The following UBE2R2 variants were observed in gnomAD, a reference collection of about 807,000 sequenced individuals.
UBE2R2 encodes ubiquitin conjugating enzyme E2 R2, also known as ubiquitin-conjugating enzyme E2 R2.
A neutral mutation model predicts 27.8 loss-of-function variants in UBE2R2; 1 was observed. The observed-to-expected ratio is 0.04, with a 90% confidence interval of 0.01 to 0.17. The LOEUF is 0.17. UBE2R2 is among the 10% of genes least tolerant of loss of function. UBE2R2 has a pLI of 1.00. For missense variants in UBE2R2, 100 were observed against 291.0 expected (o/e 0.34, Z 4.78); for synonymous variants, 106 against 113.3 (o/e 0.94, Z 0.41).
chr9:33,868,224 T>C (rs986142993), intron 1 of UBE2R2, among the ~76,000 whole-genome samples: 19 of 152,122 alleles, frequency 1.2e-4, no homozygotes, highest in African/African-American at 4.6e-4. Flanking sequence ...ACTCAGCCGC[T>C]TGTGTTGCTC....
chr9:33,880,664 AG>A (rs1453164538), intron 1 of UBE2R2, among the ~76,000 whole-genome samples: 1 of 152,168 alleles, frequency 6.6e-6, no homozygotes, highest in African/African-American at 2.4e-5. Context: ...ACTTTAAACC[AG>A]GGGTGCCTAC....
At chr9:33,895,768 CTTT>C (rs776870484) in intron 2 of UBE2R2, among the ~76,000 whole-genome samples, 10 of 90,272 alleles carry the variant, frequency 1.1e-4, no homozygotes, top group South Asian at 4.0e-4. Context: ...CTCTCTCTCT[CTTT>C]TTTTTTTTTT....
intron 1 of UBE2R2, among the ~76,000 whole-genome samples, chr9:33,839,706 G>A (rs1177673203): frequency 6.6e-6 from 1 of 152,140 alleles, no homozygotes; most frequent in African/African-American, 2.4e-5. Context: ...ATAAATTACT[G>A]TTGTTTAAGC....
At chr9:33,857,225 T>G (rs1821128194) in intron 1 of UBE2R2, among the ~76,000 whole-genome samples, 1 of 151,622 alleles carries the variant, frequency 6.6e-6, no homozygotes, top group South Asian at 2.1e-4. Context: ...TTTTTTTTTA[T>G]TCCCCTTACT....
intron 4 of UBE2R2, 141 bp downstream of exon 4, chr9:33,912,239 T>A (rs2130822055): frequency 1.3e-6 from 1 of 794,064 alleles, no homozygotes; most frequent in South Asian, 2.0e-5. Context: ...AAGAGAAGAT[T>A]TCTGCCTGAG....
intron 1 of UBE2R2, among the ~76,000 whole-genome samples, chr9:33,863,188 CAAAAA>C (rs544206798): frequency 4.7e-5 from 5 of 106,026 alleles, no homozygotes; most frequent in Admixed American, 1.0e-4. Context: ...GAGACTCCCT[CAAAAA>C]AAAAAAAAAA....
intron 3 of UBE2R2, among the ~76,000 whole-genome samples, chr9:33,904,501 C>CA (rs1822309398): frequency 6.6e-6 from 1 of 152,168 alleles, no homozygotes; most frequent in Non-Finnish European, 1.5e-5. Context: ...CACGTGTACT[C>CA]AAGACTATTG....
In UBE2R2 at chr9:33,824,684, T is replaced by C. The variant is rs534091631; in HGVS notation, c.177+6750T>C. ...CGGGTGTGATGGTCCGCACCTGCAG[T>C]CCCAGCTACTTGGGAGGCTGAGGCA... is the stretch of plus-strand genomic sequence containing the variant. On this transcript the variant is annotated intron_variant, in intron 1 of 4. Coordinates refer to ENST00000263228, the MANE Select transcript of UBE2R2 (RefSeq NM_017811.4). Among the ~76,000 whole-genome samples the C allele has an allele frequency of 6.6e-5, 10 of 151,002 alleles. No individual in the cohort carries two copies. In the South Asian group the frequency reaches 2.1e-3, roughly 32 times the overall value.
At chr9:33,887,080 A>G (rs1030822405) in intron 2 of UBE2R2, 113 bp downstream of exon 2, 12 of 837,870 alleles carry the variant, frequency 1.4e-5, no homozygotes, top group Non-Finnish European at 1.8e-5. Context: ...CCATAGAGAA[A>G]TATTAATGAT....
chr9:33,912,938 CTCT>C (rs1822525561), intron 4 of UBE2R2, among the ~76,000 whole-genome samples: 1 of 152,014 alleles, frequency 6.6e-6, no homozygotes, highest in African/African-American at 2.4e-5. Flanking sequence ...TACCCTCCAC[CTCT>C]TTTTTATTTG....
intron 1 of UBE2R2, among the ~76,000 whole-genome samples, chr9:33,873,197 A>AAG (rs1563996143): frequency 8.4e-5 from 12 of 142,402 alleles, no homozygotes; most frequent in African/African-American, 1.0e-4. Context: ...AAAAAAAAAA[A>AAG]GATCTAATAT....
At chr9:33,843,880 C>T (rs1442744925) in intron 1 of UBE2R2, among the ~76,000 whole-genome samples, 2 of 152,214 alleles carry the variant, frequency 1.3e-5, no homozygotes, top group South Asian at 2.1e-4. Flanking sequence ...TTGGGTTTTA[C>T]CACTGCATAA....
intron 3 of UBE2R2, among the ~76,000 whole-genome samples, chr9:33,908,052 C>T (rs1050737232): frequency 2.0e-5 from 3 of 152,096 alleles, no homozygotes; most frequent in African/African-American, 7.2e-5. Flanking sequence ...CTTGAACTCC[C>T]GACCTCAGGT....
intron 3 of UBE2R2, among the ~76,000 whole-genome samples, chr9:33,910,138 C>T (rs1228253323): frequency 1.3e-5 from 2 of 151,912 alleles, no homozygotes; most frequent in Non-Finnish European, 2.9e-5. Context: ...GAGCCTATTA[C>T]GCTTTTATTT....
At chr9:33,831,780 C>T (rs953406830) in intron 1 of UBE2R2, among the ~76,000 whole-genome samples, 6 of 152,030 alleles carry the variant, frequency 3.9e-5, no homozygotes, top group African/African-American at 1.2e-4. Flanking sequence ...CTGCCTCAGC[C>T]TCCCTAGTAG....
At position 33,914,970 on chromosome 9, in the gene UBE2R2, C is replaced by T. The variant is rs528637294; in HGVS notation, c.498-2048C>T. Among the ~76,000 whole-genome samples the T allele has an allele frequency of 2.4e-4, 36 of 151,784 alleles. 1 individual carries two copies. The East Asian group carries it at 6.8e-3, about 29-fold the overall frequency. On this transcript the variant is annotated intron_variant, in intron 4 of 4. Coordinates refer to ENST00000263228, the MANE Select transcript of UBE2R2 (RefSeq NM_017811.4). ...TGGGCAACATGGCAAAATACCATCT[C>T]TACAAAAAAATTAGCCAGGAGAGGT...
At chr9:33,856,116 A>G (rs1215308483) in intron 1 of UBE2R2, among the ~76,000 whole-genome samples, 1 of 152,158 alleles carries the variant, frequency 6.6e-6, no homozygotes, top group South Asian at 2.1e-4. Context: ...CCGTGTACAC[A>G]CTTGGCAAGC....
At chr9:33,864,060 C>G (rs1238712958) in intron 1 of UBE2R2, among the ~76,000 whole-genome samples, 2 of 152,086 alleles carry the variant, frequency 1.3e-5, no homozygotes, top group African/African-American at 2.4e-5. Context: ...TGGTCTCAAG[C>G]AAGCAGTCCT....
At chr9:33,864,679 A>G (rs992277167) in intron 1 of UBE2R2, among the ~76,000 whole-genome samples, 1 of 150,316 alleles carries the variant, frequency 6.7e-6, no homozygotes, top group Non-Finnish European at 1.5e-5. Flanking sequence ...CCTCCTGAGT[A>G]GCTGGGACTG....
Sources: allele counts gnomAD v4.1 joint callset (sites outside exome capture counted in the v4.1 genomes callset), GRCh38; gene constraint gnomAD v4.1.1; transcripts MANE v1.5; gene names NCBI Gene and HGNC (gene_info 2026-07-23, HGNC 2026-07-21).